KANSL1L: variants seen among roughly 807,000 people sequenced by gnomAD.
The protein encoded by KANSL1L is KAT8 regulatory NSL complex subunit 1-like protein.
A neutral mutation model predicts 108.6 loss-of-function variants in KANSL1L; 25 were observed. The observed-to-expected ratio is 0.23, with a 90% CI of 0.17 to 0.32. The LOEUF is 0.32. Among genes scored for constraint, KANSL1L ranks in the 10% least tolerant of loss-of-function variants. The pLI, the probability that KANSL1L is intolerant of heterozygous loss-of-function variation, is 1.00. For missense variants in KANSL1L, 1,137 were observed against 1,125.7 expected, an observed-to-expected ratio of 1.01 and a Z score of -0.14; for synonymous variants, 405 against 395.1, an observed-to-expected ratio of 1.03 and a Z score of -0.30.
chr2:210,066,497 A>G (rs2094468132), intron 6 of KANSL1L, among the ~76,000 whole-genome samples: 2 of 152,208 alleles, frequency 1.3e-5, no homozygotes, highest in South Asian at 4.1e-4. Context: ...CAGCATAATG[A>G]ATTTTTACAT....
At chr2:210,047,835 C>T (rs1186300041) in intron 6 of KANSL1L, among the ~76,000 whole-genome samples, 1 of 152,148 alleles carries the variant, frequency 6.6e-6, no homozygotes, top group Non-Finnish European at 1.5e-5. Context: ...AGTGGGGGTT[C>T]TCTATCCCCA....
chr2:210,046,452 C>G (rs2094224131), intron 6 of KANSL1L, among the ~76,000 whole-genome samples: 1 of 152,136 alleles, frequency 6.6e-6, no homozygotes, highest in South Asian at 2.1e-4. Flanking sequence ...CAACATATTA[C>G]ATGCTTCCAA....
chr2:210,040,956 T>C (rs190448312), intron 7 of KANSL1L, among the ~76,000 whole-genome samples: 211 of 152,294 alleles, frequency 1.4e-3, no homozygotes, highest in Non-Finnish European at 1.9e-3. Context: ...TTTGAAATAA[T>C]GAAGCTTCCA....
chr2:210,023,237 C>T (rs1333608640), intron 14 of KANSL1L, 58 bp from the exon 15 acceptor site: 1 of 1,203,126 alleles, frequency 8.3e-7, no homozygotes, highest in African/African-American at 1.5e-5. Flanking sequence ...TTAAATTCAT[C>T]TAACAAGTAA....
chr2:210,079,670 G>GTGTATATATATATATATATGTA lies in KANSL1L; in HGVS notation c.1551-3915_1551-3914insTACATATATATATATATATACA, dbSNP rs1559539857. ...TATATATATATATATATATATGTATGTGTGTATATATATATATATATGTAT... is the reference window on the plus strand; with the variant it reads ...TATATATATATATATATATATGTATGTGTATATATATATATATATGTATGTGTATATATATATATATATGTAT... On this transcript the variant is annotated intron_variant, in intron 5 of 14. Transcript: ENST00000281772. 4 of 16,638 alleles carry GTGTATATATATATATATATGTA rather than the reference G, an allele frequency of 2.4e-4. 1 individual carries two copies. The highest frequency in any genetic ancestry group is 1.8e-3 in the East Asian group (1 of 548). The allele number at this position is 16,638 out of a possible 1,614,324, so 1.0% of individuals were successfully genotyped here.
intron 2 of KANSL1L, among the ~76,000 whole-genome samples, chr2:210,144,719 T>C (rs1170041664): frequency 6.6e-6 from 1 of 152,194 alleles, no homozygotes; most frequent in Non-Finnish European, 1.5e-5. Context: ...ATTGTTTTCC[T>C]GATTTTGTTG....
rs376680432 is a variant in KANSL1L, at chr2:210,061,322, T to G, written c.1755+14230A>C. Among the ~76,000 whole-genome samples, 17 of 152,256 alleles carry G rather than the reference T, an allele frequency of 1.1e-4. No homozygotes were observed. The East Asian group carries it at 3.3e-3, about 29-fold the overall frequency. On this transcript the variant is annotated intron_variant, in intron 6 of 14. Coordinates refer to ENST00000281772, the MANE Select transcript of KANSL1L (RefSeq NM_152519.4). Reference sequence around the variant, plus strand: ...AGAGGCCTCTGTTCACCATTCCCAGTGGGAAAGAGAACTTCCTTTGCCAGG... The same window carrying G: ...AGAGGCCTCTGTTCACCATTCCCAGGGGGAAAGAGAACTTCCTTTGCCAGG...
At position 210,036,420 on chromosome 2, in the gene KANSL1L, G is replaced by A. The variant is rs141077150; in HGVS notation, c.2029+4000C>T. On this transcript the variant is annotated intron_variant, in intron 8 of 14. Coordinates refer to ENST00000281772, the MANE Select transcript of KANSL1L (RefSeq NM_152519.4). ...TGGTCTTGAACTCCTGGGCTCAAGC[G>A]ATCCCCCTACCTCAGCCTCCCAAAG... Among the ~76,000 whole-genome samples, 359 of 152,094 alleles carry A rather than the reference G, an allele frequency of 2.4e-3. 1 individual carries two copies. The highest frequency in any genetic ancestry group is 3.9e-3 in the Non-Finnish European group (263 of 67,992).
intron 2 of KANSL1L, chr2:210,151,897 A>G (rs754980513): frequency 2.0e-5 from 3 of 152,176 alleles, no homozygotes; most frequent in Non-Finnish European, 4.4e-5. Flanking sequence ...TAATATACTG[A>G]TCTTCTATTT....
At chr2:210,110,052 T>A (rs1004485917) in intron 3 of KANSL1L, among the ~76,000 whole-genome samples, 1 of 152,204 alleles carries the variant, frequency 6.6e-6, no homozygotes, top group African/African-American at 2.4e-5. Context: ...CCCATCTCTC[T>A]GTTTTCAGGC....
intron 3 of KANSL1L, among the ~76,000 whole-genome samples, chr2:210,106,987 A>C (rs2094853274): frequency 6.6e-6 from 1 of 152,090 alleles, no homozygotes; most frequent in African/African-American, 2.4e-5. Flanking sequence ...AAAAATTAGT[A>C]AAAGGATATT....
chr2:210,021,969 A>C lies in KANSL1L; in HGVS notation c.*980T>G. 1 of 151,640 alleles carries C rather than the reference A, an allele frequency of 6.6e-6. No individual in the cohort carries two copies. The highest frequency in any genetic ancestry group is 1.5e-5 in the Non-Finnish European group (1 of 67,862). The allele number at this position is 151,640 out of a possible 1,614,324, so 9.4% of individuals were successfully genotyped here. On this transcript the variant is annotated 3_prime_UTR_variant, in exon 15 of 15. Transcript: ENST00000281772. ...CTAGAAATAGAAATCAGCCAGAATT[A>C]ACTAATTTCTTGCTAATCTAGAAAT...
intron 3 of KANSL1L, among the ~76,000 whole-genome samples, chr2:210,111,564 T>C (rs2125462614): frequency 6.6e-6 from 1 of 152,288 alleles, no homozygotes; most frequent in South Asian, 2.1e-4. Flanking sequence ...ATCATAGTGA[T>C]GGTTACAAGA....
intron 1 of KANSL1L, among the ~76,000 whole-genome samples, chr2:210,163,277 C>A (rs1357022737): frequency 6.6e-6 from 1 of 151,954 alleles, no homozygotes; most frequent in Non-Finnish European, 1.5e-5. Flanking sequence ...CAACATGCAA[C>A]AAATGACAGG....
intron 2 of KANSL1L, among the ~76,000 whole-genome samples, chr2:210,145,295 T>C (rs1054346408): frequency 9.9e-5 from 15 of 152,230 alleles, no homozygotes; most frequent in African/African-American, 3.4e-4. Flanking sequence ...GTATCTCATA[T>C]GAGGCATCCA....
intron 8 of KANSL1L, among the ~76,000 whole-genome samples, chr2:210,039,908 A>G (rs2094145886): frequency 6.6e-6 from 1 of 151,872 alleles, no homozygotes. Flanking sequence ...TCATTGATCT[A>G]TTTTCTTAAA....
chr2:210,166,976 G>A (rs1230203909), intron 1 of KANSL1L, among the ~76,000 whole-genome samples: 1 of 151,892 alleles, frequency 6.6e-6, no homozygotes, highest in Non-Finnish European at 1.5e-5. Context: ...GAGTACAGTC[G>A]TGCCACTGCA....
intron 5 of KANSL1L, among the ~76,000 whole-genome samples, chr2:210,093,061 G>A (rs1334882981): frequency 6.6e-6 from 1 of 152,160 alleles, no homozygotes; most frequent in Non-Finnish European, 1.5e-5. Flanking sequence ...GAAAGAGAAT[G>A]GTCTCTACTA....
intron 1 of KANSL1L, among the ~76,000 whole-genome samples, chr2:210,161,075 G>A (rs1472355922): frequency 2.8e-5 from 4 of 142,700 alleles, no homozygotes; most frequent in Admixed American, 7.4e-5. Context: ...CGCAACCTCC[G>A]CCTCCCAGGT....
Sources: gnomAD v4.1 joint callset for allele counts (sites outside exome capture counted in the v4.1 genomes callset) on GRCh38, gnomAD v4.1.1 for gene constraint, MANE v1.5 for transcripts, NCBI Gene and HGNC (gene_info 2026-07-23, HGNC 2026-07-21) for gene names.